DGKB: variants seen among roughly 807,000 people sequenced by gnomAD.
The protein encoded by DGKB is diacylglycerol kinase beta, also known as 90 kDa diacylglycerol kinase.
DGKB carries 67 observed loss-of-function variants against 114.3 expected under a neutral mutation model. That is an observed-to-expected ratio of 0.59 (90% CI 0.48 to 0.72). The LOEUF is 0.72. DGKB is among the 30% of genes least tolerant of loss of function. The probability of loss-of-function intolerance (pLI) is 0.00; values close to 1 mark genes in which losing one functional copy is unlikely to be tolerated. For synonymous variants in DGKB, 398 were observed against 323.1 expected (o/e 1.23, Z -2.49); for missense variants, 907 against 975.2 (o/e 0.93, Z 0.93).
chr7:14,812,983 C>A (rs1223655387), intron 2 of DGKB, among the ~76,000 whole-genome samples: 1 of 152,052 alleles, frequency 6.6e-6, no homozygotes, highest in Non-Finnish European at 1.5e-5. Context: ...AACACATGAT[C>A]CAAACCAAGG....
chr7:14,403,506 G>C (rs1823456293), intron 21 of DGKB, among the ~76,000 whole-genome samples: 1 of 103,774 alleles, frequency 9.6e-6, no homozygotes, highest in African/African-American at 3.1e-5. Context: ...TTTTCTTTGG[G>C]GAACCATTTT....
intron 6 of DGKB, among the ~76,000 whole-genome samples, chr7:14,716,752 A>G (rs550543857): frequency 1.1e-3 from 163 of 152,246 alleles, no homozygotes; most frequent in African/African-American, 3.5e-3. Flanking sequence ...ATTGGCATTA[A>G]AAAAGAAAAA....
At chr7:14,571,300 G>C (rs1027288774) in intron 20 of DGKB, among the ~76,000 whole-genome samples, 2 of 152,214 alleles carry the variant, frequency 1.3e-5, no homozygotes, top group Non-Finnish European at 2.9e-5. Flanking sequence ...AAGAAAACAA[G>C]TAGATTCATT....
intron 4 of DGKB, among the ~76,000 whole-genome samples, chr7:14,753,547 A>C (rs1277295301): frequency 6.6e-6 from 1 of 152,202 alleles, no homozygotes; most frequent in Non-Finnish European, 1.5e-5. Context: ...TTATCATTGC[A>C]TTTTAAATGC....
intron 23 of DGKB, among the ~76,000 whole-genome samples, chr7:14,219,909 C>T (rs1277599991): frequency 1.3e-5 from 2 of 151,686 alleles, no homozygotes; most frequent in African/African-American, 2.4e-5. Flanking sequence ...TTAGATCTTA[C>T]ACTTACATCC....
chr7:14,690,678 G>A (rs932266860), intron 9 of DGKB, among the ~76,000 whole-genome samples: 5 of 152,188 alleles, frequency 3.3e-5, no homozygotes, highest in Admixed American at 6.5e-5. Flanking sequence ...CAGTTAAGGC[G>A]GAGACCTTAT....
At chr7:14,288,492 G>C (rs1284972540) in intron 23 of DGKB, among the ~76,000 whole-genome samples, 2 of 151,972 alleles carry the variant, frequency 1.3e-5, no homozygotes, top group African/African-American at 4.8e-5. Flanking sequence ...ATTGACAATT[G>C]CTGTCATTTA....
intron 2 of DGKB, among the ~76,000 whole-genome samples, chr7:14,804,824 C>G (rs1842600565): frequency 6.6e-6 from 1 of 151,978 alleles, no homozygotes; most frequent in Admixed American, 6.6e-5. Flanking sequence ...ACCTCAATGA[C>G]TATATTTTCT....
At chr7:14,959,079 A>G (rs1786688635) in intron 1 of DGKB, among the ~76,000 whole-genome samples, 1 of 152,096 alleles carries the variant, frequency 6.6e-6, no homozygotes, top group Admixed American at 6.6e-5. Flanking sequence ...TGTTGTATAG[A>G]TCAACAGGAG....
intron 1 of DGKB, among the ~76,000 whole-genome samples, chr7:14,894,593 T>C (rs892816498): frequency 6.6e-6 from 1 of 151,602 alleles, no homozygotes; most frequent in Non-Finnish European, 1.5e-5. Context: ...TACAGCCACA[T>C]TCAAGCCATT....
intron 13 of DGKB, among the ~76,000 whole-genome samples, chr7:14,631,263 C>CAAAAAAAAAAA (rs35088925): frequency 2.5e-4 from 25 of 98,380 alleles, no homozygotes; most frequent in African/African-American, 4.7e-4. Context: ...CAGCAAGAAC[C>CAAAAAAAAAAA]AAAAAAAAAA....
intron 1 of DGKB, among the ~76,000 whole-genome samples, chr7:14,967,727 A>G (rs1787243066): frequency 2.0e-5 from 3 of 151,676 alleles, no homozygotes; most frequent in South Asian, 4.2e-4. Context: ...AATTTTATAC[A>G]TATTTTTCTG....
chr7:14,574,969 T>C (rs922890102), intron 19 of DGKB, among the ~76,000 whole-genome samples: 1 of 152,160 alleles, frequency 6.6e-6, no homozygotes, highest in Non-Finnish European at 1.5e-5. Context: ...TTATATTTGC[T>C]AATACTACTT....
Position 14,472,137 on chromosome 7 carries a change from T to C in DGKB, c.1835+6024A>G, listed in dbSNP as rs113249000. Among the ~76,000 whole-genome samples, 1,339 of 152,330 alleles carry C rather than the reference T, an allele frequency of 8.8e-3. 20 individuals are homozygous for C. The highest frequency in any genetic ancestry group is 0.031 in the African/African-American group (1,284 of 41,584). ...TTGAATTGAATCACTGAAATCATGC[T>C]ATGACTAGATTTTTAAGAAATCTTT... On this transcript the variant is annotated intron_variant, in intron 21 of 25. Transcript: ENST00000402815.
intron 21 of DGKB, among the ~76,000 whole-genome samples, chr7:14,382,644 C>A (rs1819671718): frequency 6.6e-6 from 1 of 152,136 alleles, no homozygotes; most frequent in Non-Finnish European, 1.5e-5. Context: ...GGAAATTGAA[C>A]ATTTGGAGAA....
At chr7:14,492,387 C>G (rs1389542749) in intron 20 of DGKB, among the ~76,000 whole-genome samples, 1 of 151,798 alleles carries the variant, frequency 6.6e-6, no homozygotes, top group Non-Finnish European at 1.5e-5. Flanking sequence ...TTTAAAAATA[C>G]CAATAAAAGA....
At chr7:14,770,175 T>G (rs1284221290) in intron 2 of DGKB, among the ~76,000 whole-genome samples, 1 of 151,994 alleles carries the variant, frequency 6.6e-6, no homozygotes, top group Non-Finnish European at 1.5e-5. Flanking sequence ...TGAGAAGCCT[T>G]AAGTTGCAAG....
At chr7:14,494,467 A>T (rs1325410192) in intron 20 of DGKB, among the ~76,000 whole-genome samples, 1 of 151,982 alleles carries the variant, frequency 6.6e-6, no homozygotes, top group Non-Finnish European at 1.5e-5. Flanking sequence ...AATAAAAAGC[A>T]GTCTTTGCAA....
intron 23 of DGKB, among the ~76,000 whole-genome samples, chr7:14,296,759 T>A (rs1041066894): frequency 1.6e-5 from 1 of 62,332 alleles, no homozygotes; most frequent in African/African-American, 5.1e-5. Context: ...ATCCAGGGAC[T>A]GTTTTTTTTT....
Sources: allele counts gnomAD v4.1 joint callset (sites outside exome capture counted in the v4.1 genomes callset), GRCh38; gene constraint gnomAD v4.1.1; transcripts MANE v1.5; gene names NCBI Gene and HGNC (gene_info 2026-07-23, HGNC 2026-07-21).